Variants in SKAP2 observed in about 807,000 individuals in gnomAD.
SKAP2 encodes the protein src kinase associated phosphoprotein 2.
In SKAP2, 28 loss-of-function variants were observed where a neutral mutation model predicts 54.9. The ratio of observed to expected loss-of-function variants is 0.51; its 90% CI spans 0.38 to 0.70. The LOEUF is 0.70. SKAP2 is among the 30% of genes least tolerant of loss of function. The probability of loss-of-function intolerance (pLI) is 0.00; values close to 1 mark genes in which losing one functional copy is unlikely to be tolerated. For synonymous variants in SKAP2, 137 were observed against 134.3 expected, an observed-to-expected ratio of 1.02 and a Z score of -0.14; for missense variants, 356 against 424.1, an observed-to-expected ratio of 0.84 and a Z score of 1.41.
chr7:26,758,578 C>T (rs1287245377), intron 4 of SKAP2, among the ~76,000 whole-genome samples: 1 of 152,098 alleles, frequency 6.6e-6, no homozygotes, highest in Non-Finnish European at 1.5e-5. Context: ...TCCACTTACC[C>T]ACTCCTCACC....
At chr7:26,698,307 G>A (rs894304727) in intron 9 of SKAP2, among the ~76,000 whole-genome samples, 6 of 152,218 alleles carry the variant, frequency 3.9e-5, no homozygotes, top group African/African-American at 1.4e-4. Context: ...TATACCAGCA[G>A]TGCTTTCCAA....
At chr7:26,827,557 T>C (rs1294737333) in intron 4 of SKAP2, among the ~76,000 whole-genome samples, 4 of 152,036 alleles carry the variant, frequency 2.6e-5, no homozygotes, top group African/African-American at 7.2e-5. Flanking sequence ...GAGAAAGATA[T>C]AGGAATTCAA....
At chr7:26,721,260 A>G (rs1029000855) in intron 9 of SKAP2, among the ~76,000 whole-genome samples, 6 of 152,158 alleles carry the variant, frequency 3.9e-5, no homozygotes, top group African/African-American at 1.4e-4. Context: ...TCAGGAGGAA[A>G]ATAAAGCCAA....
At chr7:26,657,708 G>C in the SKAP2 span, among the ~76,000 whole-genome samples, 8 of 151,498 alleles carry the variant, frequency 5.3e-5, no homozygotes, top group South Asian at 1.5e-3. Context: ...TGCCAGCTGA[G>C]ATGAGCCAAA....
chr7:26,741,711 C>A (rs1006555312), intron 4 of SKAP2, among the ~76,000 whole-genome samples: 10 of 151,584 alleles, frequency 6.6e-5, no homozygotes, highest in African/African-American at 2.2e-4. Context: ...TCAAAACATA[C>A]AATATGCCCA....
chr7:26,820,687 T>C (rs1473941128), intron 4 of SKAP2, among the ~76,000 whole-genome samples: 1 of 152,034 alleles, frequency 6.6e-6, no homozygotes, highest in East Asian at 1.9e-4. Flanking sequence ...GCCATATTTA[T>C]TAGCAAAAAG....
chr7:26,772,252 G>A (rs779283022), intron 4 of SKAP2, among the ~76,000 whole-genome samples: 4 of 151,974 alleles, frequency 2.6e-5, no homozygotes, highest in Non-Finnish European at 5.9e-5. Context: ...TTTTAGGTTC[G>A]GGGGTACATG....
chr7:26,689,257 T>G (rs1215402288), intron 10 of SKAP2, among the ~76,000 whole-genome samples: 1 of 152,178 alleles, frequency 6.6e-6, no homozygotes, highest in Admixed American at 6.5e-5. Flanking sequence ...TCTAGCTTTT[T>G]GCAAGACACA....
At chr7:26,736,542 A>G (rs1455359180) in intron 6 of SKAP2, among the ~76,000 whole-genome samples, 1 of 152,222 alleles carries the variant, frequency 6.6e-6, no homozygotes, top group Non-Finnish European at 1.5e-5. Context: ...CAATAAGTGT[A>G]AGCAGCTGAG....
chr7:26,698,961 T>A (rs1027733514), intron 9 of SKAP2, among the ~76,000 whole-genome samples: 9 of 152,194 alleles, frequency 5.9e-5, no homozygotes, highest in Non-Finnish European at 1.3e-4. Context: ...TGTGGGTTTT[T>A]CTTAGGTTGT....
intron 6 of SKAP2, among the ~76,000 whole-genome samples, chr7:26,730,380 G>A (rs959340469): frequency 6.6e-6 from 1 of 152,118 alleles, no homozygotes; most frequent in Non-Finnish European, 1.5e-5. Context: ...TTTTATCTAG[G>A]TGAACTTCAC....
At chr7:26,700,845 C>T (rs1174759728) in intron 9 of SKAP2, among the ~76,000 whole-genome samples, 2 of 152,186 alleles carry the variant, frequency 1.3e-5, no homozygotes, top group Non-Finnish European at 2.9e-5. Flanking sequence ...CTTTCTCATC[C>T]TTCATGTTTC....
At chr7:26,788,207 G>C (rs1345722750) in intron 4 of SKAP2, among the ~76,000 whole-genome samples, 1 of 152,176 alleles carries the variant, frequency 6.6e-6, no homozygotes, top group African/African-American at 2.4e-5. Context: ...TAGACTTAAT[G>C]AAAGCTGACT....
At chr7:26,773,371 G>A (rs1783230602) in intron 4 of SKAP2, among the ~76,000 whole-genome samples, 1 of 152,180 alleles carries the variant, frequency 6.6e-6, no homozygotes, top group Admixed American at 6.5e-5. Context: ...AAGATAATTT[G>A]TATTAAGTTA....
chr7:26,662,163 T>C (rs1786023894), downstream of SKAP2, among the ~76,000 whole-genome samples: 1 of 152,176 alleles, frequency 6.6e-6, no homozygotes, highest in Non-Finnish European at 1.5e-5. Flanking sequence ...AGAGTTATGT[T>C]ACCATAACTG....
intron 6 of SKAP2, among the ~76,000 whole-genome samples, chr7:26,737,541 G>GA (rs533007837): frequency 7.9e-5 from 12 of 152,020 alleles, no homozygotes; most frequent in Non-Finnish European, 1.5e-4. Flanking sequence ...TAGAATGGGG[G>GA]AAAAAACTCT....
At chr7:26,724,982 ACAAG>A (rs1271694110) in intron 9 of SKAP2, among the ~76,000 whole-genome samples, 3 of 152,100 alleles carry the variant, frequency 2.0e-5, no homozygotes, top group African/African-American at 4.8e-5. Flanking sequence ...GCAATATACT[ACAAG>A]CAAGGAGAAA....
At chr7:26,712,888 T>G (rs750387834) in intron 9 of SKAP2, among the ~76,000 whole-genome samples, 2 of 152,148 alleles carry the variant, frequency 1.3e-5, no homozygotes, top group Non-Finnish European at 2.9e-5. Flanking sequence ...GAGAAAAAGG[T>G]CTCTTCCAAT....
chr7:26,832,163 C>A (rs1784608537), intron 4 of SKAP2, among the ~76,000 whole-genome samples: 3 of 152,192 alleles, frequency 2.0e-5, no homozygotes, highest in African/African-American at 7.2e-5. Flanking sequence ...GTCAATGCCA[C>A]ACATTTCTGC....
Sources: gnomAD v4.1 joint callset for allele counts (sites outside exome capture counted in the v4.1 genomes callset) on GRCh38, gnomAD v4.1.1 for gene constraint, MANE v1.5 for transcripts, NCBI Gene and HGNC (gene_info 2026-07-23, HGNC 2026-07-21) for gene names.